ZBTB46: variants seen among roughly 807,000 people sequenced by gnomAD.
The protein encoded by ZBTB46 is zinc finger and BTB domain containing 46.
ZBTB46 carries 8 observed loss-of-function variants against 44.1 expected under a neutral mutation model. The observed-to-expected ratio is 0.18, with a 90% CI of 0.11 to 0.33. The LOEUF is 0.33. Ranked by LOEUF, ZBTB46 falls within the 10% of genes least tolerant of loss-of-function variation. The probability of loss-of-function intolerance (pLI) is 1.00; values close to 1 mark genes in which losing one functional copy is unlikely to be tolerated. For synonymous variants in ZBTB46, 409 were observed against 382.3 expected (o/e 1.07, Z -0.81); for missense variants, 651 against 847.7 (o/e 0.77, Z 2.88).
chr20:63,760,362 T>C (rs1258346872), intron 3 of ZBTB46, among the ~76,000 whole-genome samples: 1 of 152,238 alleles, frequency 6.6e-6, no homozygotes, highest in African/African-American at 2.4e-5. Flanking sequence ...TCCAGGAATT[T>C]TCCCATTTCC....
At chr20:63,815,237 TG>T in intron 1 of ZBTB46, 1 of 241,226 alleles carries the variant, frequency 4.1e-6, no homozygotes. Flanking sequence ...GTGAGTGCAA[TG>T]GGTGCAGGTG....
chr20:63,753,062 C>T (rs1411348392), intron 3 of ZBTB46, among the ~76,000 whole-genome samples: 1 of 152,162 alleles, frequency 6.6e-6, no homozygotes, highest in Admixed American at 6.5e-5. Context: ...CTGGCAGGGG[C>T]GGTGCCAGCA....
chr20:63,749,187 T>C (rs1310115634), intron 4 of ZBTB46, among the ~76,000 whole-genome samples: 1 of 152,208 alleles, frequency 6.6e-6, no homozygotes, highest in Admixed American at 6.5e-5. Flanking sequence ...TGTCCAGGGA[T>C]GTGAGACCTT....
chr20:63,804,415 C>G (rs374341012), intron 1 of ZBTB46, among the ~76,000 whole-genome samples: 1 of 152,140 alleles, frequency 6.6e-6, no homozygotes, highest in East Asian at 1.9e-4. Context: ...CAACAGCAGT[C>G]CTGAGCCCTC....
At chr20:63,762,906 C>T (rs1045344775) in intron 3 of ZBTB46, among the ~76,000 whole-genome samples, 4 of 152,104 alleles carry the variant, frequency 2.6e-5, no homozygotes, top group Admixed American at 1.3e-4. Context: ...CCGTTACCCA[C>T]GCTGGAGTAC....
At chr20:63,833,331 C>T (rs1408110977), upstream of ZBTB46, among the ~76,000 whole-genome samples, 1 of 152,236 alleles carries the variant, frequency 6.6e-6, no homozygotes, top group Non-Finnish European at 1.5e-5. Flanking sequence ...GTGTCTCACG[C>T]CTGTAATCCC....
intron 3 of ZBTB46, among the ~76,000 whole-genome samples, chr20:63,759,856 T>C (rs2092258342): frequency 6.6e-6 from 1 of 152,352 alleles, no homozygotes; most frequent in South Asian, 2.1e-4. Context: ...CGAAGGCTAC[T>C]GAATTTTATC....
intron 4 of ZBTB46, among the ~76,000 whole-genome samples, chr20:63,748,822 A>C (rs1302095779): frequency 6.6e-6 from 1 of 152,224 alleles, no homozygotes; most frequent in Non-Finnish European, 1.5e-5. Flanking sequence ...TCCTTAAACC[A>C]TTCCAAACTC....
chr20:63,753,274 G>A (rs2092188182), intron 3 of ZBTB46, among the ~76,000 whole-genome samples: 1 of 152,144 alleles, frequency 6.6e-6, no homozygotes, highest in African/African-American at 2.4e-5. Flanking sequence ...ACGCCTCCCT[G>A]GAGGCAGAGA....
rs754785814 is a variant in ZBTB46, at chr20:63,767,627, C to T, written c.1222+8051G>A. ...GCAGCACTGAGGTCAAAGCAAACGC[C>T]GGCTCCAGCGCACAGACCAGAGGCA... On this transcript the variant is annotated intron_variant, in intron 3 of 4. Coordinates refer to ENST00000245663, the MANE Select transcript of ZBTB46 (RefSeq NM_001369741.1). This position sits in a 1 kb window ranked among gnomAD's most constrained non-coding sequence, Gnocchi z 5.0. Among the ~76,000 whole-genome samples the T allele has an allele frequency of 2.0e-5, 3 of 152,222 alleles. No individual in the cohort carries two copies. The highest frequency in any genetic ancestry group is 7.2e-5 in the African/African-American group (3 of 41,456).
chr20:63,824,095 G>A (rs1231548065), intron 1 of ZBTB46, among the ~76,000 whole-genome samples: 1 of 152,056 alleles, frequency 6.6e-6, no homozygotes, highest in Non-Finnish European at 1.5e-5. Context: ...TTCCTTGAAT[G>A]GGTAACAAGC....
At chr20:63,808,248 G>A (rs546580524) in intron 1 of ZBTB46, 15 of 152,556 alleles carry the variant, frequency 9.8e-5, no homozygotes, top group African/African-American at 3.6e-4. Context: ...CAGACGGAGG[G>A]GGGGCCCATG....
In ZBTB46 at chr20:63,767,575, C is replaced by T. The variant is rs776246816; in HGVS notation, c.1222+8103G>A. The stretch of plus-strand genomic sequence containing the variant: ...TGGGCAGCTGCACCCAGCTGGAGCC[C>T]GGGACCCGGACGCCAAAGCTCTGGC... On this transcript the variant is annotated intron_variant, in intron 3 of 4. Coordinates refer to ENST00000245663, the MANE Select transcript of ZBTB46 (RefSeq NM_001369741.1). This position sits in a 1 kb window ranked among gnomAD's most constrained non-coding sequence, Gnocchi z 5.0. Among the ~76,000 whole-genome samples, 6 of 152,206 alleles carry T rather than the reference C, an allele frequency of 3.9e-5. No individual in the cohort carries two copies. Among genetic ancestry groups the T allele is most frequent in the Non-Finnish European group, 8.8e-5 (6 of 68,042 alleles).
chr20:63,795,314 G>A (rs1338955802), intron 1 of ZBTB46, among the ~76,000 whole-genome samples: 1 of 152,228 alleles, frequency 6.6e-6, no homozygotes, highest in African/African-American at 2.4e-5. Context: ...GGTGCTGGGG[G>A]CACAAACCCA....
chr20:63,781,705 T>C (rs1049002183), intron 2 of ZBTB46, among the ~76,000 whole-genome samples: 5 of 151,766 alleles, frequency 3.3e-5, no homozygotes, highest in African/African-American at 9.7e-5. Flanking sequence ...GGCAGGAGAA[T>C]TGCTTGAACC....
chr20:63,766,048 G>A lies in ZBTB46; in HGVS notation c.1222+9630C>T, dbSNP rs115225486. On this transcript the variant is annotated intron_variant, in intron 3 of 4. Coordinates refer to ENST00000245663, the MANE Select transcript of ZBTB46 (RefSeq NM_001369741.1). ...AGAGCAAAAGGCAAAGCTGTCATGC[G>A]GCCTCTGATGTACCTGCTTCAACAG... 4.5e-3 allele frequency among the ~76,000 whole-genome samples: 678 copies of A among 152,050 alleles called. 5 individuals carry two copies. The highest frequency in any genetic ancestry group is 0.015 in the African/African-American group (641 of 41,464).
chr20:63,746,018 C>G lies in ZBTB46; in HGVS notation c.*912G>C, dbSNP rs1317596754. ...CACGCGGGGAGGTGTAAGCAGCACA[C>G]TGCAGTTAGGAACACCGCCTCCAGT... On this transcript the variant is annotated 3_prime_UTR_variant, in exon 5 of 5. Transcript: ENST00000245663. 4 of 152,752 alleles carry G rather than the reference C, an allele frequency of 2.6e-5. No individual in the cohort carries two copies. Among genetic ancestry groups the G allele is most frequent in the Admixed American group, 2.6e-4 (4 of 15,290 alleles). 9.5% of individuals were successfully genotyped at this position (152,752 alleles called of 1,614,324 possible). A position where few individuals can be genotyped will look rare whatever the true frequency, so the allele number is the denominator to read the frequency against.
At chr20:63,826,222 C>T (rs1358271973) in intron 1 of ZBTB46, among the ~76,000 whole-genome samples, 3 of 152,284 alleles carry the variant, frequency 2.0e-5, no homozygotes, top group African/African-American at 7.2e-5. Context: ...AACAAAGTAT[C>T]TGTGTGTCCC....
chr20:63,790,786 A>G lies in ZBTB46; in HGVS notation c.-29T>C. On this transcript the variant is annotated 5_prime_UTR_variant, in exon 2 of 5. Coordinates refer to ENST00000245663, the MANE Select transcript of ZBTB46 (RefSeq NM_001369741.1). ...GAAGCCCTGGTGTCGCCTCTTCTAC[A>G]GACTCTGTGGAGGTAAGAACAAGAG... is the stretch of plus-strand genomic sequence containing the variant. The G allele has an allele frequency of 1.3e-6, 2 of 1,568,150 alleles. No individual in the cohort carries two copies. The highest frequency in any genetic ancestry group is 1.7e-6 in the Non-Finnish European group (2 of 1,160,622).
Sources: gnomAD v4.1 joint callset for allele counts (sites outside exome capture counted in the v4.1 genomes callset) on GRCh38, gnomAD v4.1.1 for gene constraint, Gnocchi (gnomAD v3.1) non-coding constraint, MANE v1.5 for transcripts, NCBI Gene and HGNC (gene_info 2026-07-23, HGNC 2026-07-21) for gene names.